SHLD2: variants seen among roughly 807,000 people sequenced by gnomAD.
The protein encoded by SHLD2 is shieldin complex subunit 2.
Under a neutral mutation model 73.2 loss-of-function variants are expected in SHLD2, and 30 were observed. The observed-to-expected ratio is 0.41, with a 90% confidence interval of 0.31 to 0.56. The LOEUF is 0.56. SHLD2 is among the 20% of genes least tolerant of loss of function. SHLD2 has a pLI of 0.28. For synonymous variants in SHLD2, 285 were observed against 370.1 expected (o/e 0.77, Z 2.64); for missense variants, 745 against 1,055.9 (o/e 0.71, Z 4.08).
chr10:87,160,694 A>G (rs536340000), intron 4 of SHLD2, among the ~76,000 whole-genome samples: 1 of 152,210 alleles, frequency 6.6e-6, no homozygotes, highest in East Asian at 1.9e-4. Context: ...GCACTTAGAC[A>G]AGAAGAGGCA....
At chr10:87,108,080 T>C (rs1447327995) in intron 2 of SHLD2, among the ~76,000 whole-genome samples, 2 of 151,960 alleles carry the variant, frequency 1.3e-5, no homozygotes, top group African/African-American at 4.8e-5. Context: ...TGAGACGGAG[T>C]TTCGCTCTTG....
chr10:87,132,541 T>C (rs3129394), intron 2 of SHLD2, among the ~76,000 whole-genome samples: 102,321 of 152,018 alleles, frequency 0.67, 35,018 homozygotes, highest in East Asian at 0.84. Flanking sequence ...TTGGGAGGCT[T>C]AGGTGGATGG....
At position 87,128,975 on chromosome 10, in the gene SHLD2, G is replaced by A. The variant is rs553830927; in HGVS notation, c.-5-22375G>A. On this transcript the variant is annotated intron_variant, in intron 2 of 9. Coordinates refer to ENST00000298786, the MANE Select transcript of SHLD2 (RefSeq NM_001330112.2). ...TGGAGTGCAGTGGCATGATCTTGGC[G>A]CACTGCAACAACCTCCGCCTCCTGG... Among the ~76,000 whole-genome samples, 18 of 151,402 alleles carry A rather than the reference G, an allele frequency of 1.2e-4. No homozygotes were observed. The South Asian group carries it at 3.6e-3, about 30-fold the overall frequency.
intron 3 of SHLD2, among the ~76,000 whole-genome samples, chr10:87,157,330 T>G (rs929361885): frequency 6.6e-6 from 1 of 152,240 alleles, no homozygotes; most frequent in Admixed American, 6.5e-5. Flanking sequence ...TTCACTATTG[T>G]TAATATATGT....
chr10:87,111,384 TA>T (rs1842909515), intron 2 of SHLD2, among the ~76,000 whole-genome samples: 1 of 151,806 alleles, frequency 6.6e-6, no homozygotes, highest in Non-Finnish European at 1.5e-5. Context: ...CTCACTCCTG[TA>T]ATCCCAACAC....
At chr10:87,189,062 T>C (rs1011430252) in intron 9 of SHLD2, among the ~76,000 whole-genome samples, 6 of 150,518 alleles carry the variant, frequency 4.0e-5, no homozygotes, top group South Asian at 4.2e-4. Context: ...AGTGCTGTGG[T>C]GCGATCTCAG....
chr10:87,125,164 C>A (rs916594302), intron 2 of SHLD2, among the ~76,000 whole-genome samples: 2 of 152,158 alleles, frequency 1.3e-5, no homozygotes, highest in Non-Finnish European at 2.9e-5. Flanking sequence ...AGATGAAACT[C>A]ATATCTCATT....
chr10:87,095,179 CGGGTCGG>C (rs1841720579), upstream of SHLD2: 5 of 14,702 alleles, frequency 3.4e-4, no homozygotes, highest in East Asian at 0.013. Flanking sequence ...CGGGTCGGGG[CGGGTCGG>C]GGCGGGCCCA....
At chr10:87,138,535 G>T (rs1223479107) in intron 2 of SHLD2, among the ~76,000 whole-genome samples, 5 of 152,114 alleles carry the variant, frequency 3.3e-5, no homozygotes. Flanking sequence ...ACATTAACAA[G>T]ATGTGGGTTT....
chr10:87,097,298 C>G (rs1410031311), intron 2 of SHLD2, among the ~76,000 whole-genome samples: 1 of 152,194 alleles, frequency 6.6e-6, no homozygotes. Flanking sequence ...AGGTGGCTCA[C>G]GCCTGTAATC....
intron 2 of SHLD2, among the ~76,000 whole-genome samples, chr10:87,138,712 G>T (rs954365327): frequency 4.6e-5 from 7 of 152,338 alleles, no homozygotes; most frequent in African/African-American, 1.7e-4. Context: ...CATAAAGTCA[G>T]TACATCTGCC....
chr10:87,141,297 C>G (rs996272779), intron 2 of SHLD2, among the ~76,000 whole-genome samples: 1 of 151,476 alleles, frequency 6.6e-6, no homozygotes, highest in Non-Finnish European at 1.5e-5. Context: ...AACACATAAA[C>G]CAATGTTACA....
At chr10:87,099,610 T>G (rs1437797677) in intron 2 of SHLD2, among the ~76,000 whole-genome samples, 3 of 152,258 alleles carry the variant, frequency 2.0e-5, no homozygotes, top group Non-Finnish European at 4.4e-5. Flanking sequence ...TTCTGAATGA[T>G]GCTGCGGTGA....
At chr10:87,137,096 A>C (rs1282956174) in intron 2 of SHLD2, among the ~76,000 whole-genome samples, 2 of 152,246 alleles carry the variant, frequency 1.3e-5, no homozygotes, top group African/African-American at 4.8e-5. Context: ...GTTACAAGAC[A>C]CAAGAAAAGC....
chr10:87,146,970 C>T (rs1465691644), intron 2 of SHLD2, among the ~76,000 whole-genome samples: 5 of 148,608 alleles, frequency 3.4e-5, no homozygotes, highest in South Asian at 2.1e-4. Context: ...GCAGGAGAAT[C>T]GCTTAAACCC....
At chr10:87,124,163 A>G (rs1195237680) in intron 2 of SHLD2, among the ~76,000 whole-genome samples, 2 of 152,192 alleles carry the variant, frequency 1.3e-5, no homozygotes, top group African/African-American at 2.4e-5. Context: ...GATATAACTA[A>G]TTGTATTTAT....
chr10:87,101,849 G>A (rs1237524326), intron 2 of SHLD2, among the ~76,000 whole-genome samples: 1 of 152,188 alleles, frequency 6.6e-6, no homozygotes, highest in Non-Finnish European at 1.5e-5. Flanking sequence ...AGGAGGTGGA[G>A]GTTGCAGTGA....
At position 87,126,731 on chromosome 10, in the gene SHLD2, C is replaced by T. The variant is rs562869684; in HGVS notation, c.-5-24619C>T. Among the ~76,000 whole-genome samples the T allele has an allele frequency of 2.9e-3, 447 of 152,136 alleles. 3 individuals are homozygous for T. Among genetic ancestry groups the T allele is most frequent in the African/African-American group, 0.01 (427 of 41,530 alleles). ...GATTGTTACATCCGTGGAATAGCTG[C>T]GTACACTTTATTGTTCTTGGTGCTT... On this transcript the variant is annotated intron_variant, in intron 2 of 9. Coordinates refer to ENST00000298786, the MANE Select transcript of SHLD2 (RefSeq NM_001330112.2).
intron 2 of SHLD2, among the ~76,000 whole-genome samples, chr10:87,147,742 T>G (rs1305107980): frequency 1.3e-5 from 2 of 152,058 alleles, no homozygotes; most frequent in Non-Finnish European, 2.9e-5. Flanking sequence ...AATTTTGTGA[T>G]TAACTGTAGT....
Sources: gnomAD v4.1 joint callset for allele counts (sites outside exome capture counted in the v4.1 genomes callset) on GRCh38, gnomAD v4.1.1 for gene constraint, MANE v1.5 for transcripts, NCBI Gene and HGNC (gene_info 2026-07-23, HGNC 2026-07-21) for gene names.